NUTM2B: variants seen among roughly 807,000 people sequenced by gnomAD.
NUTM2B encodes NUT family member 2B, also known as family with sequence similarity 22, member B.
Under a neutral mutation model 42.4 loss-of-function variants are expected in NUTM2B, and 2 were observed. That is an observed-to-expected ratio of 0.05 (90% CI 0.02 to 0.15). The LOEUF is 0.15. NUTM2B is among the 10% of genes least tolerant of loss of function. The pLI is 1.00. For missense variants in NUTM2B, 58 were observed against 952.6 expected (o/e 0.06, Z 12.36); for synonymous variants, 18 against 402.4 (o/e 0.04, Z 11.43).
chr10:79,706,012 C>T (rs1297698161), intron 1 of NUTM2B, 30 bp from the exon 2 acceptor site: 1 of 1,239,040 alleles, frequency 8.1e-7, no homozygotes, highest in African/African-American at 1.6e-5. Flanking sequence ...GAGACCCCAG[C>T]TCATTCACCT....
chr10:79,701,555 G>A (rs1262398470), upstream of NUTM2B, among the ~76,000 whole-genome samples: 2 of 151,964 alleles, frequency 1.3e-5, no homozygotes, highest in Non-Finnish European at 2.9e-5. Context: ...CGTTGATGCA[G>A]TCCCAGGGCC....
upstream of NUTM2B, among the ~76,000 whole-genome samples, chr10:79,700,910 C>A (rs1840303874): frequency 6.6e-6 from 1 of 152,184 alleles, no homozygotes; most frequent in South Asian, 2.1e-4. Flanking sequence ...TGGGGCCAGA[C>A]AACGCCCCCT....
At chr10:79,707,278 C>T (rs1471557840) in intron 2 of NUTM2B, among the ~76,000 whole-genome samples, 1 of 131,162 alleles carries the variant, frequency 7.6e-6, no homozygotes, top group Non-Finnish European at 1.6e-5. Context: ...GTATTTGCAT[C>T]TTCACCCTCA....
At chr10:79,696,872 A>T in the NUTM2B span, among the ~76,000 whole-genome samples, 5 of 149,470 alleles carry the variant, frequency 3.3e-5, no homozygotes, top group Admixed American at 1.3e-4. Flanking sequence ...TAAGGCTCCC[A>T]TAAAGGAGGT....
the NUTM2B span, among the ~76,000 whole-genome samples, chr10:79,694,017 G>A: frequency 6.6e-6 from 1 of 152,202 alleles, no homozygotes; most frequent in East Asian, 1.9e-4. Context: ...GGGTCAGCAG[G>A]TGGACACCTC....
At chr10:79,709,357 C>G (rs1466969985) in intron 3 of NUTM2B, among the ~76,000 whole-genome samples, 2 of 136,248 alleles carry the variant, frequency 1.5e-5, no homozygotes, top group Non-Finnish European at 3.1e-5. Context: ...GAAAGGGGCC[C>G]TGTCCTCTGA....
the NUTM2B span, among the ~76,000 whole-genome samples, chr10:79,696,698 C>T: frequency 6.6e-5 from 10 of 152,334 alleles, no homozygotes; most frequent in South Asian, 2.1e-3. Context: ...GACCAGTGCT[C>T]ACTATAACAG....
At chr10:79,700,745 C>T (rs1307636244), upstream of NUTM2B, among the ~76,000 whole-genome samples, 1 of 152,248 alleles carries the variant, frequency 6.6e-6, no homozygotes, top group Non-Finnish European at 1.5e-5. Context: ...ACCGCCGCAA[C>T]CGGCGCTGGG....
the NUTM2B span, among the ~76,000 whole-genome samples, chr10:79,693,090 C>G: frequency 1.3e-5 from 2 of 152,170 alleles, no homozygotes; most frequent in East Asian, 3.9e-4. Context: ...CACTCCATTC[C>G]CGACCCCCAG....
chr10:79,693,122 T>C, the NUTM2B span, among the ~76,000 whole-genome samples: 1 of 152,214 alleles, frequency 6.6e-6, no homozygotes, highest in Non-Finnish European at 1.5e-5. Flanking sequence ...CTGTTCCTAG[T>C]GTCTGCCTGG....
At chr10:79,700,119 A>G (rs955295927), upstream of NUTM2B, among the ~76,000 whole-genome samples, 10 of 152,308 alleles carry the variant, frequency 6.6e-5, no homozygotes, top group African/African-American at 2.4e-4. Context: ...TGCATCCACA[A>G]CCAACTTGTG....
At chr10:79,698,966 A>G (rs543825982), upstream of NUTM2B, among the ~76,000 whole-genome samples, 54 of 152,326 alleles carry the variant, frequency 3.5e-4, no homozygotes, top group African/African-American at 1.2e-3. Context: ...TCACACAGAA[A>G]TAACTCCTCC....
At chr10:79,707,291 C>G (rs1455548977) in intron 2 of NUTM2B, among the ~76,000 whole-genome samples, 1 of 131,078 alleles carries the variant, frequency 7.6e-6, no homozygotes, top group African/African-American at 3.0e-5. Context: ...CACCCTCAAT[C>G]CCTCCTAGAA....
chr10:79,692,648 T>TTGGAAA, the NUTM2B span, among the ~76,000 whole-genome samples: 1 of 152,172 alleles, frequency 6.6e-6, no homozygotes, highest in African/African-American at 2.4e-5. Context: ...CCACAGCCCT[T>TTGGAAA]TCCAGTGCCC....
chr10:79,712,442 C>T, exon 7 of NUTM2B: 2 of 1,521,118 alleles, frequency 1.3e-6, no homozygotes, highest in Non-Finnish European at 1.8e-6. Flanking sequence ...AAGGGTGACC[C>T]CTTGGTCTCC....
At chr10:79,693,413 C>G in the NUTM2B span, among the ~76,000 whole-genome samples, 1 of 152,212 alleles carries the variant, frequency 6.6e-6, no homozygotes. Context: ...AGGGGCTGGA[C>G]AGAGGGGCCA....
the NUTM2B span, among the ~76,000 whole-genome samples, chr10:79,692,932 A>G: frequency 3.3e-5 from 5 of 152,220 alleles, no homozygotes; most frequent in Non-Finnish European, 7.3e-5. Flanking sequence ...CTGAGCCCCA[A>G]GCTGACATTC....
the NUTM2B span, among the ~76,000 whole-genome samples, chr10:79,695,652 G>A: frequency 6.6e-6 from 1 of 151,978 alleles, no homozygotes; most frequent in South Asian, 2.1e-4. Flanking sequence ...TATGTTAGAG[G>A]GTGTCCTCGT....
At chr10:79,692,939 A>T in the NUTM2B span, among the ~76,000 whole-genome samples, 17 of 152,304 alleles carry the variant, frequency 1.1e-4, no homozygotes, top group East Asian at 3.3e-3. Flanking sequence ...CCAAGCTGAC[A>T]TTCCCCCAGT....
Sources: allele counts gnomAD v4.1 joint callset (sites outside exome capture counted in the v4.1 genomes callset), GRCh38; gene constraint gnomAD v4.1.1; transcripts MANE v1.5; gene names NCBI Gene and HGNC (gene_info 2026-07-23, HGNC 2026-07-21).